The following ATP8A2 variants were observed in gnomAD, a reference collection of about 807,000 sequenced individuals.
ATP8A2 encodes phospholipid-transporting ATPase IB.
ATP8A2 carries 100 observed loss-of-function variants against 165.6 expected under a neutral mutation model. That is an observed-to-expected ratio of 0.60 (90% CI 0.51 to 0.71). The LOEUF (loss-of-function observed/expected upper bound fraction) is 0.71, where lower values mean the gene tolerates loss of function less well. Among genes scored for constraint, ATP8A2 ranks in the 30% least tolerant of loss-of-function variants. The pLI is 0.00. For synonymous variants in ATP8A2, 543 were observed against 548.8 expected (o/e 0.99, Z 0.15); for missense variants, 1,227 against 1,479.5 (o/e 0.83, Z 2.80).
intron 25 of ATP8A2, among the ~76,000 whole-genome samples, chr13:25,766,298 AT>A (rs1443670080): frequency 6.6e-6 from 1 of 152,250 alleles, no homozygotes; most frequent in African/African-American, 2.4e-5. Flanking sequence ...GTTTCTAATT[AT>A]TAAGTAGGTA....
intron 33 of ATP8A2, among the ~76,000 whole-genome samples, chr13:25,945,666 AC>A (rs1414861698): frequency 1.3e-5 from 2 of 152,186 alleles, no homozygotes; most frequent in Non-Finnish European, 2.9e-5. Flanking sequence ...TGGGGGTGCA[AC>A]AAGCTGCTGC....
chr13:25,842,403 G>C (rs769491588), intron 30 of ATP8A2, among the ~76,000 whole-genome samples: 1 of 152,088 alleles, frequency 6.6e-6, no homozygotes, highest in Non-Finnish European at 1.5e-5. Flanking sequence ...GGCTGGGCGT[G>C]GTGTCTCACG....
chr13:25,442,494 G>A (rs1331707877), intron 1 of ATP8A2, among the ~76,000 whole-genome samples: 4 of 152,134 alleles, frequency 2.6e-5, no homozygotes, highest in Non-Finnish European at 4.4e-5. Context: ...GCTCGCTGTA[G>A]CCTCAAACTC....
intron 25 of ATP8A2, among the ~76,000 whole-genome samples, chr13:25,765,150 A>G (rs1211202011): frequency 6.6e-6 from 1 of 152,232 alleles, no homozygotes; most frequent in Non-Finnish European, 1.5e-5. Context: ...GATTTTTGTA[A>G]GTCTCAAAAG....
At chr13:25,678,886 G>A (rs947429264) in intron 24 of ATP8A2, among the ~76,000 whole-genome samples, 4 of 152,146 alleles carry the variant, frequency 2.6e-5, no homozygotes, top group Non-Finnish European at 5.9e-5. Context: ...CATGCAGTAA[G>A]CTGTAACATG....
intron 33 of ATP8A2, among the ~76,000 whole-genome samples, chr13:25,911,295 A>G (rs774419460): frequency 6.6e-6 from 1 of 152,206 alleles, no homozygotes; most frequent in Non-Finnish European, 1.5e-5. Flanking sequence ...CCTGGGAATT[A>G]TTGTAATGCC....
chr13:25,690,360 G>A (rs7996625), intron 24 of ATP8A2, among the ~76,000 whole-genome samples: 20 of 151,610 alleles, frequency 1.3e-4, no homozygotes, highest in African/African-American at 4.6e-4. Flanking sequence ...GCTTTTTCAG[G>A]AAAACGTGGG....
chr13:25,577,289 A>G, intron 20 of ATP8A2, 151 bp downstream of exon 20: 1 of 697,978 alleles, frequency 1.4e-6, no homozygotes, highest in Non-Finnish European at 2.5e-6. Context: ...CTTAGTAGTA[A>G]AAGCCCACTG....
At chr13:25,588,584 G>A in intron 23 of ATP8A2, among the ~76,000 whole-genome samples, 1 of 152,234 alleles carries the variant, frequency 6.6e-6, no homozygotes, top group Non-Finnish European at 1.5e-5. Context: ...CCTCCCTTGA[G>A]ATTGTCACCT....
At chr13:25,806,074 C>G (rs1950729713) in intron 27 of ATP8A2, among the ~76,000 whole-genome samples, 2 of 152,032 alleles carry the variant, frequency 1.3e-5, no homozygotes, top group Admixed American at 1.3e-4. Flanking sequence ...ATTTCATGCC[C>G]TAGAAATGCT....
At chr13:25,406,965 C>T (rs940118408) in intron 1 of ATP8A2, among the ~76,000 whole-genome samples, 5 of 152,186 alleles carry the variant, frequency 3.3e-5, no homozygotes, top group Admixed American at 6.5e-5. Flanking sequence ...AGCCTGTTAC[C>T]GCTGCTTCCA....
At chr13:25,945,286 C>A (rs538154211) in intron 33 of ATP8A2, among the ~76,000 whole-genome samples, 229 of 96,352 alleles carry the variant, frequency 2.4e-3, no homozygotes, top group African/African-American at 9.1e-3. Flanking sequence ...TGCGTGGCTA[C>A]TTATTGATGA....
intron 1 of ATP8A2, among the ~76,000 whole-genome samples, chr13:25,413,884 G>C (rs888739049): frequency 2.6e-5 from 4 of 151,766 alleles, no homozygotes; most frequent in Non-Finnish European, 5.9e-5. Context: ...TTATTTCTTT[G>C]ATGACTGATG....
At chr13:25,868,262 G>A in intron 33 of ATP8A2, 1 of 345,206 alleles carries the variant, frequency 2.9e-6, no homozygotes, top group Non-Finnish European at 5.8e-6. Context: ...GCAATTATTA[G>A]TTTTTTAGAT....
At chr13:25,405,261 C>T (rs886217913) in intron 1 of ATP8A2, among the ~76,000 whole-genome samples, 6 of 152,144 alleles carry the variant, frequency 3.9e-5, no homozygotes, top group African/African-American at 1.4e-4. Context: ...AAAAGCTCAG[C>T]TTCAAGGGGA....
intron 27 of ATP8A2, among the ~76,000 whole-genome samples, chr13:25,783,802 C>G (rs2044949207): frequency 6.6e-6 from 1 of 152,142 alleles, no homozygotes; most frequent in Non-Finnish European, 1.5e-5. Context: ...CCCTTAGTAC[C>G]TAACAGAGAA....
intron 24 of ATP8A2, among the ~76,000 whole-genome samples, chr13:25,636,905 C>T (rs2041382055): frequency 6.6e-6 from 1 of 151,772 alleles, no homozygotes; most frequent in Non-Finnish European, 1.5e-5. Flanking sequence ...CCAGCCTGGG[C>T]AACATAGTGA....
At chr13:25,439,683 A>G (rs1355946034) in intron 1 of ATP8A2, among the ~76,000 whole-genome samples, 1 of 152,186 alleles carries the variant, frequency 6.6e-6, no homozygotes, top group Non-Finnish European at 1.5e-5. Flanking sequence ...GGCCAAGGGC[A>G]GGAGGATCAC....
chr13:25,963,393 C>CAAAAAAA (rs763926807), intron 34 of ATP8A2, among the ~76,000 whole-genome samples: 2 of 115,384 alleles, frequency 1.7e-5, no homozygotes, highest in East Asian at 2.4e-4. Flanking sequence ...GACTCCGTCT[C>CAAAAAAA]AAAAAAAAAA....
Sources: allele counts gnomAD v4.1 joint callset (sites outside exome capture counted in the v4.1 genomes callset), GRCh38; gene constraint gnomAD v4.1.1; transcripts MANE v1.5; gene names NCBI Gene and HGNC (gene_info 2026-07-23, HGNC 2026-07-21).